The following SLC27A1 variants were observed in gnomAD, a reference collection of about 807,000 sequenced individuals.
SLC27A1 encodes the protein solute carrier family 27 member 1.
In SLC27A1, 61 loss-of-function variants were observed where a neutral mutation model predicts 62.2. The observed-to-expected ratio is 0.98, with a 90% CI of 0.80 to 1.21. The LOEUF is 1.21. Ranked by LOEUF, SLC27A1 falls within the 50% of genes most tolerant of loss-of-function variation. SLC27A1 has a pLI of 0.00. For missense variants in SLC27A1, 903 were observed against 932.1 expected (o/e 0.97, Z 0.41); for synonymous variants, 435 against 408.6 (o/e 1.06, Z -0.78).
At chr19:17,492,799 G>A (rs1458164098) in intron 6 of SLC27A1, among the ~76,000 whole-genome samples, 10 of 151,832 alleles carry the variant, frequency 6.6e-5, no homozygotes, top group Admixed American at 4.6e-4. Context: ...TTAGCAGGGC[G>A]TGGTGGCACA....
chr19:17,489,364 G>T (rs879461552), intron 6 of SLC27A1, among the ~76,000 whole-genome samples: 3 of 152,200 alleles, frequency 2.0e-5, no homozygotes, highest in Admixed American at 1.3e-4. Flanking sequence ...TCTAGGGGTG[G>T]GGTGGGGAGC....
rs770921014 is a variant in SLC27A1, at chr19:17,470,559, G to T, written c.19G>T (p.Gly7Cys). The part of the protein sequence containing the change: MRAPGA[G>C]AASVVSLALL... ...CCCCAGGATGCGGGCTCCGGGTGCG[G>T]GCGCGGCCTCGGTGGTCTCGCTGGC... is the stretch of plus-strand genomic sequence containing the variant. The change falls in exon 1 of 12, where the codon GGC becomes TGC. Residue 7 changes from glycine (G) to cysteine (C), a missense_variant. By Grantham distance (159) the Gly-to-Cys change is radical. Transcript: ENST00000252595. The T allele has an allele frequency of 1.7e-5, 26 of 1,563,768 alleles. No individual in the cohort carries two copies. The highest frequency in any genetic ancestry group is 9.4e-6 in the Non-Finnish European group (11 of 1,164,052).
chr19:17,489,003 T>A lies in SLC27A1; in HGVS notation c.887-5T>A. ...GGGACCCCTTACCAAGGCCACCCTC[T>A]GCAGGAAACATCATCGGCGTGGGGC... is the stretch of plus-strand genomic sequence containing the variant. On this transcript the variant is annotated splice_region_variant and splice_polypyrimidine_tract_variant and intron_variant, in intron 5 of 11. Transcript: ENST00000252595. The A allele has an allele frequency of 1.2e-6, 2 of 1,614,132 alleles. No individual in the cohort carries two copies. The highest frequency in any genetic ancestry group is 1.7e-6 in the Non-Finnish European group (2 of 1,179,990).
At chr19:17,477,240 C>CTTTTTTTTTTGTTTTTT (rs2075132554) in intron 1 of SLC27A1, among the ~76,000 whole-genome samples, 1 of 43,808 alleles carries the variant, frequency 2.3e-5, no homozygotes, top group Non-Finnish European at 4.0e-5. Flanking sequence ...ATGAGCAGCG[C>CTTTTTTTTTTGTTTTTT]TTTTTTTTTT....
intron 11 of SLC27A1, among the ~76,000 whole-genome samples, chr19:17,502,693 T>C (rs2075430926): frequency 6.6e-6 from 1 of 151,668 alleles, no homozygotes; most frequent in South Asian, 2.1e-4. Flanking sequence ...TTTTTGTTTG[T>C]TTGTTTGTTT....
intron 1 of SLC27A1, among the ~76,000 whole-genome samples, chr19:17,485,593 G>A (rs2075221851): frequency 6.6e-6 from 1 of 151,860 alleles, no homozygotes; most frequent in Admixed American, 6.6e-5. Flanking sequence ...ACTTTGGGAG[G>A]CCAGGGCTGG....
At chr19:17,481,990 C>T (rs12983501) in intron 1 of SLC27A1, among the ~76,000 whole-genome samples, 41,785 of 151,918 alleles carry the variant, frequency 0.28, 7,225 homozygotes, top group Non-Finnish European at 0.39. Flanking sequence ...TGGCTGCTCT[C>T]TCCCTAGGCC....
chr19:17,470,382 C>A, upstream of SLC27A1: 1 of 865,062 alleles, frequency 1.2e-6, no homozygotes, highest in Non-Finnish European at 1.6e-6. Context: ...GGCCTGGGGG[C>A]GGAGTCTGAC....
rs1599643977 is a variant in SLC27A1 at position 17,479,562 on chromosome 19, C to CT, written c.168-7001_168-7000insT. On this transcript the variant is annotated intron_variant, in intron 1 of 11. Transcript: ENST00000252595. The stretch of plus-strand genomic sequence containing the variant: ...TACAATGAATAGCACTGTTATTTCC[C>CT]ATATGCGAATTTAATATGCCAAACT... Among the ~76,000 whole-genome samples the CT allele has an allele frequency of 6.6e-5, 10 of 152,308 alleles. No individual in the cohort carries two copies. The East Asian group carries it at 1.9e-3, about 29-fold the overall frequency.
At chr19:17,480,182 C>T (rs1192909221) in intron 1 of SLC27A1, among the ~76,000 whole-genome samples, 4 of 151,450 alleles carry the variant, frequency 2.6e-5, no homozygotes, top group African/African-American at 9.7e-5. Flanking sequence ...AATGTGCCAC[C>T]ATATCCGGCT....
intron 7 of SLC27A1, chr19:17,499,910 C>A: frequency 4.5e-6 from 1 of 222,428 alleles, no homozygotes. Context: ...GTTGGAGAAG[C>A]ATTTCTGTTC....
Position 17,500,753 on chromosome 19 carries a change from C to A in SLC27A1, c.1513C>A (p.Arg505=). Reference sequence around the variant, plus strand: ...GGATGAGCTGGGCTACATGTACTTCCGGGACCGTAGCGGGGACACCTTCCG... The same window carrying A: ...GGATGAGCTGGGCTACATGTACTTCAGGGACCGTAGCGGGGACACCTTCCG... ...VMDELGYMYF[R]DRSGDTFRWR... Residue 505 remains arginine, a synonymous_variant, in exon 10 of 12, where the codon CGG becomes AGG. Transcript: ENST00000252595. 6.2e-7 allele frequency: 1 copy of A among 1,613,936 alleles called. No individual in the cohort carries two copies. Among genetic ancestry groups the A allele is most frequent in the Admixed American group, 1.7e-5 (1 of 59,958 alleles).
rs1191056807 is a variant in SLC27A1 at position 17,487,325 on chromosome 19, G to C, written c.714G>C (p.Lys238Asn). The C allele has an allele frequency of 6.2e-7, 1 of 1,610,224 alleles. No individual in the cohort carries two copies. The highest frequency in any genetic ancestry group is 8.5e-7 in the Non-Finnish European group (1 of 1,178,640). ...CCCCCTTGGCACAGATCCCCAGCAA[G>C]GGCATGGACGGTGAGTCAAGGGTGG... ...STAPLAQIPSKGMDDRLFYIY... is the reference protein window; with the variant it reads ...STAPLAQIPSNGMDDRLFYIY... Residue 238 changes from lysine to asparagine, a missense_variant, in exon 3 of 12, where the codon AAG (lysine) becomes AAC (asparagine). Lys to Asn is a moderately conservative substitution (Grantham distance 94). Transcript: ENST00000252595.
intron 6 of SLC27A1, chr19:17,491,246 A>G (rs901223441): frequency 6.6e-6 from 1 of 151,872 alleles, no homozygotes; most frequent in African/African-American, 2.4e-5. Context: ...ACAATGTACA[A>G]TCACCATGTC....
intron 1 of SLC27A1, among the ~76,000 whole-genome samples, chr19:17,483,649 A>G (rs1470567746): frequency 6.6e-6 from 1 of 152,030 alleles, no homozygotes; most frequent in Non-Finnish European, 1.5e-5. Context: ...GCACCCTCCT[A>G]TCTCCATGGC....
rs368119805 is a variant in SLC27A1, at chr19:17,486,722, G to A, written c.327G>A (p.Leu109=). The A allele has an allele frequency of 1.6e-5, 26 of 1,612,112 alleles. No individual in the cohort carries two copies. In the African/African-American group the frequency reaches 3.2e-4, roughly 20 times the overall value. ...GTGECWTFAQ[L]DAYSNAVANL... is the part of the protein sequence containing the mutation. ...GCGAGTGCTGGACCTTTGCGCAGCT[G>A]GACGCCTACTCCAATGCGGTAGCCA... The change falls in exon 2 of 12, where the codon CTG becomes CTA. Residue 109 remains leucine (L), a synonymous_variant. Transcript: ENST00000252595. This position sits in a 1 kb window ranked among gnomAD's most constrained non-coding sequence, Gnocchi z 6.6.
chr19:17,504,337 AC>A, intron 11 of SLC27A1, 117 bp from the exon 12 acceptor site: 1 of 1,296,950 alleles, frequency 7.7e-7, no homozygotes, highest in Admixed American at 2.0e-5. Context: ...ATGGGGAAGA[AC>A]ATTCCTGCCC....
intron 2 of SLC27A1, 97 bp from the exon 3 acceptor site, chr19:17,487,077 C>T (rs781446895): frequency 6.3e-6 from 10 of 1,582,088 alleles, no homozygotes; most frequent in South Asian, 3.5e-5. Flanking sequence ...ATGAGGTGCA[C>T]GGTCTGGGTA....
Position 17,505,003 on chromosome 19 carries a change from C to G in SLC27A1, c.*391C>G, listed in dbSNP as rs540268104. On this transcript the variant is annotated 3_prime_UTR_variant, in exon 12 of 12. Coordinates refer to ENST00000252595, the MANE Select transcript of SLC27A1 (RefSeq NM_198580.3). ...TGCCTCCTGGGGTTCAAGTGATCCT[C>G]CCACCTCAGCCTCCTGAGTAGCTGG... The G allele has an allele frequency of 1.1e-5, 4 of 377,134 alleles. No individual in the cohort carries two copies. The highest frequency in any genetic ancestry group is 8.2e-5 in the South Asian group (4 of 48,816). The allele number at this position is 377,134 out of a possible 1,614,324, so 23.4% of individuals were successfully genotyped here.
Sources: gnomAD v4.1 joint callset for allele counts (sites outside exome capture counted in the v4.1 genomes callset) on GRCh38, gnomAD v4.1.1 for gene constraint, Gnocchi (gnomAD v3.1) non-coding constraint, MANE v1.5 for transcripts, NCBI Gene and HGNC (gene_info 2026-07-23, HGNC 2026-07-21) for gene names.